Variants in CR1 observed in about 807,000 individuals in gnomAD.
CR1 encodes the protein complement C3b/C4b receptor 1 (Knops blood group).
CR1 carries 116 observed loss-of-function variants against 187.3 expected under a neutral mutation model. That is an observed-to-expected ratio of 0.62 (90% CI 0.53 to 0.72). The LOEUF is 0.72. Among genes scored for constraint, CR1 ranks in the 30% least tolerant of loss-of-function variants. The probability of loss-of-function intolerance (pLI) is 0.00; values close to 1 mark genes in which losing one functional copy is unlikely to be tolerated. For missense variants in CR1, 1,731 were observed against 2,110.7 expected, an observed-to-expected ratio of 0.82 and a Z score of 3.52; for synonymous variants, 576 against 747.1, an observed-to-expected ratio of 0.77 and a Z score of 3.73.
intron 33 of CR1, among the ~76,000 whole-genome samples, chr1:207,585,591 T>G (rs1481539922): frequency 6.6e-6 from 1 of 152,218 alleles, no homozygotes; most frequent in Admixed American, 6.5e-5. Flanking sequence ...ATTAGGGATG[T>G]GGCACCAGCC....
chr1:207,592,358 A>C (rs1196526973), intron 35 of CR1, among the ~76,000 whole-genome samples: 1 of 152,228 alleles, frequency 6.6e-6, no homozygotes, highest in Admixed American at 6.5e-5. Context: ...TGATTATCTC[A>C]ATAGATGCAG....
At chr1:207,500,412 A>T (rs1659231312) in intron 1 of CR1, among the ~76,000 whole-genome samples, 1 of 152,238 alleles carries the variant, frequency 6.6e-6, no homozygotes, top group African/African-American at 2.4e-5. Context: ...AATGGAAAGC[A>T]GAGTGTTCTT....
In CR1 at chr1:207,505,803, T is replaced by G. The variant is rs78302073; in HGVS notation, c.122-101T>G. On this transcript the variant is annotated intron_variant, in intron 1 of 46. Transcript: ENST00000367049. ...GTGAGCCAAGATAGCGCCACTGCACTCCAGCCTGGGTGATGGAGCCAGTCT... is the reference window on the plus strand; with the variant it reads ...GTGAGCCAAGATAGCGCCACTGCACGCCAGCCTGGGTGATGGAGCCAGTCT... 1.0e-3 allele frequency: 1,416 copies of G among 1,370,144 alleles called. 13 individuals carry two copies. In the East Asian group the frequency reaches 0.022, roughly 21 times the overall value. The allele number at this position is 1,370,144 out of a possible 1,614,324, so 84.9% of individuals were successfully genotyped here.
chr1:207,624,354 A>G lies in CR1; in HGVS notation c.7352+1286A>G, dbSNP rs762931915. 2.0e-4 allele frequency among the ~76,000 whole-genome samples: 30 copies of G among 152,326 alleles called. 1 individual carries two copies. The highest frequency in any genetic ancestry group is 6.5e-4 in the African/African-American group (27 of 41,576). ...GGTTGATTGAATTATAACAACCTCA[A>G]TGAGGCCAGAATCAATAATATCAAT... On this transcript the variant is annotated intron_variant, in intron 45 of 46. Coordinates refer to ENST00000367049, the MANE Select transcript of CR1 (RefSeq NM_000651.6).
chr1:207,575,722 C>T (rs1360465486), intron 28 of CR1, 42 bp downstream of exon 28: 9 of 1,610,560 alleles, frequency 5.6e-6, no homozygotes, highest in Non-Finnish European at 7.6e-6. Context: ...ACCATTGAAT[C>T]CTAGAGTTGT....
intron 39 of CR1, among the ~76,000 whole-genome samples, chr1:207,612,688 G>A (rs1661969474): frequency 6.6e-6 from 1 of 152,218 alleles, no homozygotes; most frequent in African/African-American, 2.4e-5. Flanking sequence ...CTGGGACCCT[G>A]GGGCCACCAT....
chr1:207,609,583 A>T lies in CR1; in HGVS notation c.6190A>T (p.Ile2064Phe). ...GNRSFFTLTEIIRFRCQPGFV... is the reference protein window; with the variant it reads ...GNRSFFTLTEFIRFRCQPGFV... ...CAGGAGTTTCTTTACCCTCACTGAG[A>T]TCATCAGATTTAGATGTCAGCCCGG... Residue 2064 changes from isoleucine to phenylalanine, a missense_variant, in exon 37 of 47, where the codon ATC (isoleucine) becomes TTC (phenylalanine). Physicochemically the swap from Ile to Phe is conservative, Grantham distance 21 (BLOSUM62 0). Around this residue, in one of 5 missense-constraint regions of CR1, gnomAD observed 1,312 missense variants for 1,379.6 expected, o/e 0.95. Transcript: ENST00000367049. The T allele has an allele frequency of 6.2e-7, 1 of 1,613,510 alleles. No homozygotes were observed. Among genetic ancestry groups the T allele is most frequent in the East Asian group, 2.2e-5 (1 of 44,874 alleles).
chr1:207,512,007 G>A (rs964151066), intron 4 of CR1, among the ~76,000 whole-genome samples: 2 of 152,016 alleles, frequency 1.3e-5, no homozygotes, highest in Admixed American at 6.6e-5. Context: ...CAAGGTTAGC[G>A]AAGCTGTGGA....
In CR1 at chr1:207,506,889, G is replaced by C. The variant is rs547854481; in HGVS notation, c.401+76G>C. 56 of 1,208,446 alleles carry C rather than the reference G, an allele frequency of 4.6e-5. 1 individual carries two copies. In the South Asian group the frequency reaches 5.1e-4, roughly 11 times the overall value. 74.9% of individuals were successfully genotyped at this position (1,208,446 alleles called of 1,614,324 possible). A position where few individuals can be genotyped will look rare whatever the true frequency, so the allele number is the denominator to read the frequency against. On this transcript the variant is annotated intron_variant, in intron 3 of 46. Coordinates refer to ENST00000367049, the MANE Select transcript of CR1 (RefSeq NM_000651.6). The stretch of plus-strand genomic sequence containing the variant: ...CAGCCTTACTACCTTCTAGTCACAT[G>C]TCAGAAAGGACAACTAAACTATTAC...
chr1:207,583,973 A>G (rs1661034266), intron 32 of CR1, among the ~76,000 whole-genome samples: 1 of 152,186 alleles, frequency 6.6e-6, no homozygotes, highest in Non-Finnish European at 1.5e-5. Flanking sequence ...AGGCATTCCA[A>G]GGAATAAATG....
chr1:207,619,296 T>C (rs543932938), intron 42 of CR1, among the ~76,000 whole-genome samples: 1 of 145,102 alleles, frequency 6.9e-6, no homozygotes, highest in Non-Finnish European at 1.5e-5. Context: ...AGCAGGAGAA[T>C]TGCTTGAACC....
chr1:207,607,948 G>A (rs563895585), intron 36 of CR1, among the ~76,000 whole-genome samples: 3 of 152,246 alleles, frequency 2.0e-5, no homozygotes, highest in South Asian at 2.1e-4. Flanking sequence ...AGTCGTCATC[G>A]CACACAGAGT....
At chr1:207,499,722 G>T (rs1659207422) in intron 1 of CR1, among the ~76,000 whole-genome samples, 1 of 152,162 alleles carries the variant, frequency 6.6e-6, no homozygotes, top group Non-Finnish European at 1.5e-5. Flanking sequence ...GATCTGGTTT[G>T]GTTATCCCTG....
chr1:207,601,187 T>G (rs945081458), intron 35 of CR1, among the ~76,000 whole-genome samples: 1 of 152,084 alleles, frequency 6.6e-6, no homozygotes, highest in Non-Finnish European at 1.5e-5. Flanking sequence ...AATTGTCATT[T>G]CACAAAATAA....
At chr1:207,624,385 A>G (rs1320998031) in intron 45 of CR1, among the ~76,000 whole-genome samples, 1 of 152,194 alleles carries the variant, frequency 6.6e-6, no homozygotes, top group African/African-American at 2.4e-5. Context: ...TCAATGTTAT[A>G]TGGTTGATGA....
intron 31 of CR1, among the ~76,000 whole-genome samples, 161 bp from the exon 32 acceptor site, chr1:207,581,757 G>A (rs779533235): frequency 4.6e-5 from 7 of 152,094 alleles, no homozygotes; most frequent in Non-Finnish European, 1.0e-4. Flanking sequence ...TTCTGAGCCC[G>A]TCAATGAGAA....
Position 207,616,558 on chromosome 1 carries a change from T to C in CR1, c.6662-17T>C. 6.2e-7 allele frequency: 1 copy of C among 1,611,552 alleles called. No homozygotes were observed. The highest frequency in any genetic ancestry group is 8.5e-7 in the Non-Finnish European group (1 of 1,178,254). ...GTGAAATTCTAATAGAACTTAAAGC[T>C]CTTGTTTTCTTTCTAGAAATCTTTT... On this transcript the variant is annotated splice_polypyrimidine_tract_variant and intron_variant, in intron 40 of 46. Transcript: ENST00000367049.
At chr1:207,595,085 A>G (rs1054742005) in intron 35 of CR1, among the ~76,000 whole-genome samples, 6 of 151,546 alleles carry the variant, frequency 4.0e-5, no homozygotes, top group Admixed American at 3.9e-4. Flanking sequence ...AATGAAACAC[A>G]TGGGAGTCGG....
intron 36 of CR1, among the ~76,000 whole-genome samples, chr1:207,608,443 C>T (rs533267404): frequency 6.6e-4 from 100 of 152,222 alleles, no homozygotes; most frequent in Middle Eastern, 3.4e-3. Flanking sequence ...ACCATTTTCA[C>T]TTTCTTCTTT....
Sources: allele counts gnomAD v4.1 joint callset (sites outside exome capture counted in the v4.1 genomes callset), GRCh38; gene constraint gnomAD v4.1.1; regional missense constraint gnomAD v4.1.1; transcripts MANE v1.5; gene names NCBI Gene and HGNC (gene_info 2026-07-23, HGNC 2026-07-21).